The following ZMYND8 variants were observed in gnomAD, a reference collection of about 807,000 sequenced individuals.
The protein encoded by ZMYND8 is zinc finger MYND-type containing 8.
ZMYND8 carries 37 observed loss-of-function variants against 140.8 expected under a neutral mutation model. The observed-to-expected ratio is 0.26, with a 90% confidence interval of 0.20 to 0.35. The LOEUF is 0.35. ZMYND8 is among the 10% of genes least tolerant of loss of function. The probability of loss-of-function intolerance (pLI) is 1.00; values close to 1 mark genes in which losing one functional copy is unlikely to be tolerated. For missense variants in ZMYND8, 1,068 were observed against 1,570.0 expected, an observed-to-expected ratio of 0.68 and a Z score of 5.40; for synonymous variants, 592 against 597.1, an observed-to-expected ratio of 0.99 and a Z score of 0.12.
chr20:47,356,214 T>A (rs2083218969), intron 1 of ZMYND8, among the ~76,000 whole-genome samples: 1 of 128,184 alleles, frequency 7.8e-6, no homozygotes, highest in African/African-American at 2.9e-5. Context: ...CCTGTTTGCT[T>A]ACCTTCCATT....
At chr20:47,247,815 C>G (rs768550687) in intron 13 of ZMYND8, among the ~76,000 whole-genome samples, 3 of 152,154 alleles carry the variant, frequency 2.0e-5, no homozygotes, top group Admixed American at 6.5e-5. Context: ...AGGGCTCAAT[C>G]AAAAACACAA....
chr20:47,215,507 CT>C (rs35634467), intron 21 of ZMYND8, among the ~76,000 whole-genome samples: 17,344 of 143,720 alleles, frequency 0.12, 1,860 homozygotes, highest in African/African-American at 0.29. Flanking sequence ...AATGAAACAA[CT>C]TTTTTTTTTT....
intron 9 of ZMYND8, among the ~76,000 whole-genome samples, chr20:47,282,723 CAA>C (rs10665029): frequency 8.4e-6 from 1 of 118,802 alleles, no homozygotes; most frequent in Non-Finnish European, 1.8e-5. Context: ...AACTCCATCT[CAA>C]AAAAAAAAAA....
Position 47,236,381 on chromosome 20 carries a change from G to T in ZMYND8, c.2801C>A (p.Pro934His), listed in dbSNP as rs764371225. 6.2e-6 allele frequency: 10 copies of T among 1,614,174 alleles called. No individual in the cohort carries two copies. Among genetic ancestry groups the T allele is most frequent in the Non-Finnish European group, 8.5e-6 (10 of 1,180,036 alleles). Residue 934 changes from proline (P) to histidine (H), a missense_variant, in exon 16 of 23, where the codon CCC (proline) becomes CAC (histidine). Physicochemically the swap from Pro to His is moderately conservative, Grantham distance 77. Transcript: ENST00000471951. ...GACATCAGCTGAGGCAGTGGCGATG[G>T]GCAGGTCAGCGTTGACTGAGGACAC... ...TLVSSVNADL[P>H]IATASADVAA...
At chr20:47,258,224 C>T (rs927388005) in intron 12 of ZMYND8, among the ~76,000 whole-genome samples, 2 of 152,200 alleles carry the variant, frequency 1.3e-5, no homozygotes, top group African/African-American at 4.8e-5. Context: ...GCACAGGAGA[C>T]ATTCAGGTAT....
At chr20:47,309,971 G>A (rs1256510678) in intron 3 of ZMYND8, 85 bp downstream of exon 3, 7 of 1,562,642 alleles carry the variant, frequency 4.5e-6, no homozygotes, top group East Asian at 2.2e-5. Flanking sequence ...CAAGAAAGCC[G>A]GCGCTTACAA....
At chr20:47,326,860 G>A (rs1016872130) in intron 2 of ZMYND8, among the ~76,000 whole-genome samples, 5 of 152,102 alleles carry the variant, frequency 3.3e-5, no homozygotes, top group Admixed American at 6.6e-5. Flanking sequence ...GGCATAAGAC[G>A]GGTCTAGATT....
chr20:47,218,155 G>T (rs986538837), intron 21 of ZMYND8, among the ~76,000 whole-genome samples: 5 of 152,164 alleles, frequency 3.3e-5, no homozygotes, highest in African/African-American at 1.2e-4. Flanking sequence ...TCTTGACCCT[G>T]GTCTAGGTAA....
chr20:47,234,194 G>A (rs943191777), intron 16 of ZMYND8, among the ~76,000 whole-genome samples: 5 of 152,192 alleles, frequency 3.3e-5, no homozygotes, highest in East Asian at 3.9e-4. Context: ...GACTACAGGC[G>A]CATGCCATCA....
intron 1 of ZMYND8, among the ~76,000 whole-genome samples, chr20:47,350,330 A>G (rs1420296579): frequency 2.4e-5 from 2 of 82,314 alleles, no homozygotes; most frequent in Non-Finnish European, 4.0e-5. Context: ...TAAAAGGAGA[A>G]AAAAAAAAAA....
At chr20:47,297,396 C>A (rs1301924067) in intron 4 of ZMYND8, among the ~76,000 whole-genome samples, 1 of 151,830 alleles carries the variant, frequency 6.6e-6, no homozygotes, top group African/African-American at 2.4e-5. Context: ...AAAGCTTCCA[C>A]ATTTGAGATC....
intron 1 of ZMYND8, chr20:47,352,640 G>A (rs927116703): frequency 5.9e-6 from 4 of 674,136 alleles, no homozygotes; most frequent in African/African-American, 3.9e-5. Context: ...CTGGGAGTGA[G>A]GAGTTTCAAG....
At chr20:47,257,493 A>G (rs545936481) in intron 12 of ZMYND8, among the ~76,000 whole-genome samples, 1 of 152,066 alleles carries the variant, frequency 6.6e-6, no homozygotes, top group South Asian at 2.1e-4. Flanking sequence ...ACACACATAC[A>G]TACTTATATA....
At chr20:47,230,894 C>T (rs762826175) in intron 16 of ZMYND8, among the ~76,000 whole-genome samples, 1 of 152,158 alleles carries the variant, frequency 6.6e-6, no homozygotes, top group Non-Finnish European at 1.5e-5. Flanking sequence ...TGCCTTCTGT[C>T]TCTCCACATT....
intron 14 of ZMYND8, among the ~76,000 whole-genome samples, chr20:47,245,066 C>T (rs945980341): frequency 6.6e-6 from 1 of 152,020 alleles, no homozygotes; most frequent in Admixed American, 6.6e-5. Flanking sequence ...CGCCCCCCCT[C>T]CCCAAAAAAG....
At chr20:47,226,766 C>A (rs1439568274) in intron 18 of ZMYND8, among the ~76,000 whole-genome samples, 1 of 152,142 alleles carries the variant, frequency 6.6e-6, no homozygotes, top group Non-Finnish European at 1.5e-5. Flanking sequence ...CTCAAGTGAT[C>A]CTCCTTCCTC....
intron 19 of ZMYND8, among the ~76,000 whole-genome samples, chr20:47,223,792 C>T (rs572999480): frequency 1.3e-5 from 2 of 151,062 alleles, no homozygotes; most frequent in East Asian, 1.9e-4. Flanking sequence ...CGCCACTGCA[C>T]TCCAGCCTGG....
At chr20:47,355,505 G>C (rs1345940028) in intron 1 of ZMYND8, 1 of 985,272 alleles carries the variant, frequency 1.0e-6, no homozygotes, top group East Asian at 1.1e-4. Flanking sequence ...GAGAGAACAG[G>C]CTGGCAGATT....
chr20:47,232,997 C>T (rs946312549), intron 16 of ZMYND8, among the ~76,000 whole-genome samples: 2 of 150,310 alleles, frequency 1.3e-5, no homozygotes, highest in Non-Finnish European at 3.0e-5. Context: ...ACGTCCATCC[C>T]CTGGGTTCAA....
Sources: gnomAD v4.1 joint callset for allele counts (sites outside exome capture counted in the v4.1 genomes callset) on GRCh38, gnomAD v4.1.1 for gene constraint, MANE v1.5 for transcripts, NCBI Gene and HGNC (gene_info 2026-07-23, HGNC 2026-07-21) for gene names.